Variants in PNKD observed in about 807,000 individuals in gnomAD.
PNKD encodes probable thioesterase PNKD.
In PNKD, 36 loss-of-function variants were observed where a neutral mutation model predicts 45.3. The ratio of observed to expected loss-of-function variants is 0.80; its 90% CI spans 0.61 to 1.05. PNKD has a LOEUF of 1.05. Among genes scored for constraint, PNKD ranks in the 50% least tolerant of loss-of-function variants. The pLI, the probability that PNKD is intolerant of heterozygous loss-of-function variation, is 0.00. For missense variants in PNKD, 511 were observed against 506.6 expected, an observed-to-expected ratio of 1.01 and a Z score of -0.08; for synonymous variants, 197 against 210.1, an observed-to-expected ratio of 0.94 and a Z score of 0.54.
intron 2 of PNKD, chr2:218,316,752 C>T (rs1693825996): frequency 6.6e-6 from 1 of 152,206 alleles, no homozygotes; most frequent in East Asian, 1.9e-4. Context: ...GATGGGGCCT[C>T]AGCAAAACGG....
At chr2:218,298,027 A>C (rs1241837097) in intron 2 of PNKD, among the ~76,000 whole-genome samples, 1 of 151,090 alleles carries the variant, frequency 6.6e-6, no homozygotes, top group Non-Finnish European at 1.5e-5. Context: ...GAGAGAAATC[A>C]TACTGCATTT....
At chr2:218,336,829 T>C (rs1310109976) in intron 2 of PNKD, among the ~76,000 whole-genome samples, 1 of 126,434 alleles carries the variant, frequency 7.9e-6, no homozygotes, top group African/African-American at 2.9e-5. Context: ...AGAGTTTCAC[T>C]CTTGTTGCCC....
chr2:218,281,896 G>T, intron 2 of PNKD: 1 of 1,500,524 alleles, frequency 6.7e-7, no homozygotes, highest in Non-Finnish European at 9.1e-7. Context: ...TGCTCCAAGT[G>T]CTGTCCCTCC....
intron 2 of PNKD, among the ~76,000 whole-genome samples, chr2:218,333,270 C>T (rs1295696620): frequency 6.6e-6 from 1 of 152,232 alleles, no homozygotes; most frequent in Non-Finnish European, 1.5e-5. Context: ...TTGCCAGATA[C>T]AGCGAGTGAC....
intron 2 of PNKD, among the ~76,000 whole-genome samples, chr2:218,312,579 AAAG>A (rs1444473132): frequency 6.6e-6 from 1 of 151,068 alleles, no homozygotes; most frequent in Non-Finnish European, 1.5e-5. Flanking sequence ...AAAAAAAAAA[AAAG>A]AAAACCTGGG....
Position 218,275,510 on chromosome 2 carries a change from T to G in PNKD, c.236+3961T>G, listed in dbSNP as rs1369572597. On this transcript the variant is annotated intron_variant, in intron 2 of 9. Coordinates refer to ENST00000273077, the MANE Select transcript of PNKD (RefSeq NM_015488.5). ...TCCCCCATCAGCTGCAGCACAAAGG[T>G]GAAGATGTAGATGATGTCTGTGTAA... The G allele has an allele frequency of 7.4e-6, 12 of 1,613,876 alleles. No homozygotes were observed. The highest frequency in any genetic ancestry group is 1.0e-5 in the Non-Finnish European group (12 of 1,179,932).
intron 2 of PNKD, among the ~76,000 whole-genome samples, chr2:218,297,706 A>G (rs72949441): frequency 6.8e-5 from 8 of 117,194 alleles, no homozygotes; most frequent in African/African-American, 7.1e-5. Flanking sequence ...AAAAAAAAAA[A>G]AGAGAGAAGA....
At chr2:218,300,632 G>A (rs1299265967) in intron 2 of PNKD, among the ~76,000 whole-genome samples, 2 of 150,258 alleles carry the variant, frequency 1.3e-5, no homozygotes, top group South Asian at 2.1e-4. Context: ...TGCAACCTCC[G>A]TCTCCTGGGT....
At position 218,344,530 on chromosome 2, in the gene PNKD, T is replaced by C. The variant is rs939965256; in HGVS notation, c.944T>C (p.Met315Thr). The C allele has an allele frequency of 3.8e-6, 6 of 1,590,884 alleles. No homozygotes were observed. The African/African-American group carries it at 6.7e-5, about 18-fold the overall frequency. The change falls in exon 9 of 10, where the codon ATG becomes ACG. Residue 315 changes from methionine (M) to threonine (T), a missense_variant. Coordinates refer to ENST00000273077, the MANE Select transcript of PNKD (RefSeq NM_015488.5). Reference protein sequence around the residue: ...EPENLARERKMQWVQRQRLER... With the variant: ...EPENLARERKTQWVQRQRLER... ...GAGAACCTGGCCCGGGAGAGGAAGA[T>C]GCAGTGGGTGCAGCGGCAGCGGCTG...
chr2:218,328,813 C>T (rs1225777383), intron 2 of PNKD, among the ~76,000 whole-genome samples: 1 of 152,230 alleles, frequency 6.6e-6, no homozygotes, highest in Non-Finnish European at 1.5e-5. Flanking sequence ...CTCCAGACCG[C>T]CCCCAGCACT....
intron 2 of PNKD, chr2:218,279,082 G>T (rs183968683): frequency 6.2e-7 from 1 of 1,614,136 alleles, no homozygotes; most frequent in East Asian, 2.2e-5. Context: ...CAAAGGCGCT[G>T]ACAGGTTCCC....
chr2:218,342,169 A>T (rs773653591), intron 7 of PNKD, 25 bp downstream of exon 7: 1 of 1,604,974 alleles, frequency 6.2e-7, no homozygotes, highest in Non-Finnish European at 8.5e-7. Context: ...AAGAGAGAGG[A>T]GCTGGGAGAG....
intron 2 of PNKD, among the ~76,000 whole-genome samples, chr2:218,273,739 C>CG (rs1026464289): frequency 5.9e-5 from 9 of 151,722 alleles, no homozygotes; most frequent in Non-Finnish European, 1.0e-4. Flanking sequence ...TGATTCCCCC[C>CG]CACCGCCCTC....
chr2:218,344,003 A>ATATT (rs747657448), intron 8 of PNKD, among the ~76,000 whole-genome samples: 32 of 152,026 alleles, frequency 2.1e-4, no homozygotes, highest in Non-Finnish European at 3.8e-4. Flanking sequence ...CTCAGAACAT[A>ATATT]TATTCATTCA....
At position 218,328,502 on chromosome 2, in the gene PNKD, A is replaced by G. The variant is rs79759167; in HGVS notation, c.237-11281A>G. Among the ~76,000 whole-genome samples the G allele has an allele frequency of 4.3e-3, 658 of 152,258 alleles. 6 individuals are homozygous for G. The highest frequency in any genetic ancestry group is 0.015 in the African/African-American group (615 of 41,552). ...CAGAATATGGCTACACAGGGGGAGA[A>G]ACTTTGTTCAAGACTGTATCCCAGA... On this transcript the variant is annotated intron_variant, in intron 2 of 9. Transcript: ENST00000273077.
intron 2 of PNKD, among the ~76,000 whole-genome samples, chr2:218,333,025 G>A (rs1433796170): frequency 2.0e-5 from 3 of 152,152 alleles, no homozygotes; most frequent in Admixed American, 6.5e-5. Flanking sequence ...TTTCCAGCAC[G>A]AATGTCACCC....
At chr2:218,283,369 G>A (rs1014921587) in intron 2 of PNKD, among the ~76,000 whole-genome samples, 1 of 152,192 alleles carries the variant, frequency 6.6e-6, no homozygotes, top group Admixed American at 6.5e-5. Context: ...CATGTTATGC[G>A]GTGCTCTTAT....
chr2:218,340,629 C>T lies in PNKD; in HGVS notation c.466-99C>T. ...TTCCTCTGCTTCATCTCTCCATGCT[C>T]TCCTCTCCTCTCCACCAGCGCCCAC... On this transcript the variant is annotated intron_variant, in intron 4 of 9. Coordinates refer to ENST00000273077, the MANE Select transcript of PNKD (RefSeq NM_015488.5). This position sits in a 1 kb window ranked among gnomAD's most constrained non-coding sequence, Gnocchi z 4.2. 5.9e-6 allele frequency: 5 copies of T among 853,578 alleles called. No individual in the cohort carries two copies. The highest frequency in any genetic ancestry group is 1.0e-5 in the Non-Finnish European group (5 of 489,788). 52.9% of individuals were successfully genotyped at this position (853,578 alleles called of 1,614,324 possible). A position where few individuals can be genotyped will look rare whatever the true frequency, so the allele number is the denominator to read the frequency against.
intron 2 of PNKD, among the ~76,000 whole-genome samples, chr2:218,285,352 C>A (rs1208871301): frequency 6.6e-6 from 1 of 152,154 alleles, no homozygotes; most frequent in Non-Finnish European, 1.5e-5. Flanking sequence ...AATCCCTAAC[C>A]TGAAAACACC....
Sources: allele counts gnomAD v4.1 joint callset (sites outside exome capture counted in the v4.1 genomes callset), GRCh38; gene constraint gnomAD v4.1.1; non-coding constraint Gnocchi (gnomAD v3.1); transcripts MANE v1.5; gene names NCBI Gene and HGNC (gene_info 2026-07-23, HGNC 2026-07-21).